Variants in L3MBTL4 observed in about 807,000 individuals in gnomAD.
L3MBTL4 encodes L3MBTL histone methyl-lysine binding protein 4.
L3MBTL4 carries 70 observed loss-of-function variants against 84.5 expected under a neutral mutation model. That is an observed-to-expected ratio of 0.83 (90% CI 0.68 to 1.01). The LOEUF (loss-of-function observed/expected upper bound fraction) is 1.01. Among genes scored for constraint, L3MBTL4 ranks in the 50% least tolerant of loss-of-function variants. The pLI, the probability that L3MBTL4 is intolerant of heterozygous loss-of-function variation, is 0.00. For missense variants in L3MBTL4, 715 were observed against 754.8 expected, an observed-to-expected ratio of 0.95 and a Z score of 0.62; for synonymous variants, 274 against 259.8, an observed-to-expected ratio of 1.05 and a Z score of -0.52.
chr18:6,388,135 T>C (rs931511385), intron 1 of L3MBTL4, among the ~76,000 whole-genome samples: 8 of 152,188 alleles, frequency 5.3e-5, no homozygotes, highest in African/African-American at 1.9e-4. Flanking sequence ...GGTACTTTGT[T>C]AGGTGTGATT....
intron 13 of L3MBTL4, among the ~76,000 whole-genome samples, chr18:6,143,183 T>G (rs146645719): frequency 2.4e-3 from 370 of 152,344 alleles, no homozygotes; most frequent in African/African-American, 8.5e-3. Context: ...ACTATTTTAA[T>G]GTACTTTATT....
At chr18:6,222,075 A>G (rs1209474956) in intron 10 of L3MBTL4, among the ~76,000 whole-genome samples, 3 of 152,192 alleles carry the variant, frequency 2.0e-5, no homozygotes, top group African/African-American at 7.2e-5. Flanking sequence ...TTCACCCTTT[A>G]TTGTTTCAAA....
chr18:6,394,031 G>A (rs895519999), intron 1 of L3MBTL4, among the ~76,000 whole-genome samples: 6 of 137,024 alleles, frequency 4.4e-5, no homozygotes, highest in African/African-American at 1.6e-4. Flanking sequence ...CCTTCTGTCT[G>A]GAACTCTTTC....
At chr18:6,369,378 C>T (rs955653873) in intron 1 of L3MBTL4, among the ~76,000 whole-genome samples, 2 of 152,128 alleles carry the variant, frequency 1.3e-5, no homozygotes, top group Non-Finnish European at 2.9e-5. Context: ...ATGTGGTGTG[C>T]GGAGGCCAGC....
At chr18:6,108,174 G>A (rs987425787) in intron 14 of L3MBTL4, among the ~76,000 whole-genome samples, 3 of 152,146 alleles carry the variant, frequency 2.0e-5, no homozygotes, top group Non-Finnish European at 4.4e-5. Context: ...CCAGGTTGTG[G>A]ATAGTTAATG....
At chr18:6,351,638 G>A (rs2053195706) in intron 1 of L3MBTL4, among the ~76,000 whole-genome samples, 1 of 151,770 alleles carries the variant, frequency 6.6e-6, no homozygotes, top group African/African-American at 2.4e-5. Flanking sequence ...TGCAAGCTCC[G>A]CCTCCCGGGT....
chr18:6,116,359 GT>G (rs147840317), intron 14 of L3MBTL4, among the ~76,000 whole-genome samples: 3,873 of 129,858 alleles, frequency 0.03, 137 homozygotes, highest in African/African-American at 0.099. Flanking sequence ...GTTGTTGCTG[GT>G]TTTTTTTTTT....
Position 5,960,144 on chromosome 18 carries a change from C to A in L3MBTL4, c.1627G>T (p.Val543Leu). ...TCTTCACAGCCCAGAAGAGACTGTA[C>A]AAACTCAGCCACCTACAGTGCGAGA... ...RWTVDEVAEFVQSLLGCEEHA... is the reference protein window; with the variant it reads ...RWTVDEVAEFLQSLLGCEEHA... Residue 543 changes from valine (V) to leucine (L), a missense_variant, in exon 18 of 19, where the codon GTA becomes TTA. Coordinates refer to ENST00000317931, the MANE Select transcript of L3MBTL4 (RefSeq NM_001330559.2). 3 of 1,592,310 alleles carry A rather than the reference C, an allele frequency of 1.9e-6. No individual in the cohort carries two copies. The highest frequency in any genetic ancestry group is 2.6e-6 in the Non-Finnish European group (3 of 1,168,194).
intron 14 of L3MBTL4, among the ~76,000 whole-genome samples, chr18:6,102,678 A>G (rs1294941435): frequency 6.6e-6 from 1 of 152,250 alleles, no homozygotes; most frequent in African/African-American, 2.4e-5. Flanking sequence ...GCACATGGCA[A>G]GAAGATGAAC....
intron 16 of L3MBTL4, among the ~76,000 whole-genome samples, chr18:6,015,495 C>A (rs2054925848): frequency 6.6e-6 from 1 of 152,102 alleles, no homozygotes; most frequent in African/African-American, 2.4e-5. Flanking sequence ...TTTGGGGGAT[C>A]TAGAACAACA....
intron 16 of L3MBTL4, among the ~76,000 whole-genome samples, chr18:5,979,150 C>G (rs891535521): frequency 6.6e-6 from 1 of 152,170 alleles, no homozygotes; most frequent in Admixed American, 6.5e-5. Flanking sequence ...CCAACTCTGT[C>G]CATGCTATGA....
chr18:5,992,559 T>A (rs1285828366), intron 16 of L3MBTL4, among the ~76,000 whole-genome samples: 1 of 152,056 alleles, frequency 6.6e-6, no homozygotes, highest in Non-Finnish European at 1.5e-5. Flanking sequence ...TGAAATATAA[T>A]CCCCAGTGTT....
intron 14 of L3MBTL4, among the ~76,000 whole-genome samples, chr18:6,123,099 G>C (rs145764507): frequency 1.8e-3 from 272 of 152,228 alleles, no homozygotes; most frequent in African/African-American, 6.4e-3. Context: ...TTTAGGAAAG[G>C]GGGTTATTCT....
At position 6,295,992 on chromosome 18, in the gene L3MBTL4, C is replaced by A. The variant is rs77860221; in HGVS notation, c.127+5911G>T. Among the ~76,000 whole-genome samples, 88 of 152,254 alleles carry A rather than the reference C, an allele frequency of 5.8e-4. 2 individuals are homozygous for A. The East Asian group carries it at 0.016, about 28-fold the overall frequency. On this transcript the variant is annotated intron_variant, in intron 4 of 18. Coordinates refer to ENST00000317931, the MANE Select transcript of L3MBTL4 (RefSeq NM_001330559.2). ...TAAAGTAAAACTGATTTGGTTTTCC[C>A]CTTTTTATTGTTAATACCCATTCTC...
At chr18:6,300,170 A>C (rs1416556570) in intron 4 of L3MBTL4, among the ~76,000 whole-genome samples, 1 of 152,220 alleles carries the variant, frequency 6.6e-6, no homozygotes, top group African/African-American at 2.4e-5. Context: ...TTATAATGCT[A>C]GCACAGTAAG....
In L3MBTL4 at chr18:6,178,157, A is replaced by T. The variant is rs77801984; in HGVS notation, c.982-6215T>A. ...CAGGTACAATATTTTTACATACCCT[A>T]TTCAACATTTTCCTCTTATGTTCAT... On this transcript the variant is annotated intron_variant, in intron 12 of 18. Transcript: ENST00000317931. Among the ~76,000 whole-genome samples the T allele has an allele frequency of 3.4e-3, 519 of 152,256 alleles. 2 individuals are homozygous for T. The highest frequency in any genetic ancestry group is 0.012 in the African/African-American group (478 of 41,532).
intron 1 of L3MBTL4, among the ~76,000 whole-genome samples, chr18:6,340,500 G>A (rs1057219184): frequency 3.9e-5 from 6 of 152,290 alleles, no homozygotes; most frequent in South Asian, 4.2e-4. Context: ...TGTCTAGCAG[G>A]CCCACTTCTG....
intron 16 of L3MBTL4, among the ~76,000 whole-genome samples, chr18:6,033,214 T>C (rs2055925421): frequency 6.6e-6 from 1 of 152,222 alleles, no homozygotes; most frequent in East Asian, 1.9e-4. Context: ...GTATTAAATA[T>C]TTTATTAATA....
At chr18:6,348,384 C>A (rs2053020896) in intron 1 of L3MBTL4, among the ~76,000 whole-genome samples, 1 of 152,040 alleles carries the variant, frequency 6.6e-6, no homozygotes, top group Non-Finnish European at 1.5e-5. Context: ...CTAATAATTA[C>A]AACAGCATGA....
Sources: allele counts gnomAD v4.1 joint callset (sites outside exome capture counted in the v4.1 genomes callset), GRCh38; gene constraint gnomAD v4.1.1; transcripts MANE v1.5; gene names NCBI Gene and HGNC (gene_info 2026-07-23, HGNC 2026-07-21).